Variants in TRANK1 observed in about 807,000 individuals in gnomAD.
The protein encoded by TRANK1 is TPR and ankyrin repeat-containing protein 1.
In TRANK1, 198 loss-of-function variants were observed where a neutral mutation model predicts 266.0. The observed-to-expected ratio is 0.74, with a 90% confidence interval of 0.66 to 0.84. The LOEUF (loss-of-function observed/expected upper bound fraction) is 0.84, where lower values mean the gene tolerates loss of function less well. Ranked by LOEUF, TRANK1 falls within the 40% of genes least tolerant of loss-of-function variation. The probability of loss-of-function intolerance (pLI) is 0.00; values close to 1 mark genes in which losing one functional copy is unlikely to be tolerated. For synonymous variants in TRANK1, 1,396 were observed against 1,384.1 expected (o/e 1.01, Z -0.19); for missense variants, 3,326 against 3,634.6 (o/e 0.92, Z 2.18).
chr3:36,870,962 T>TAAAAA (rs563787088), intron 9 of TRANK1, among the ~76,000 whole-genome samples: 29 of 65,030 alleles, frequency 4.5e-4, no homozygotes, highest in South Asian at 2.0e-3. Flanking sequence ...ACAAGGAAAC[T>TAAAAA]AAAAAAAAAA....
chr3:36,889,250 A>C (rs558653554), intron 8 of TRANK1, among the ~76,000 whole-genome samples: 5 of 152,278 alleles, frequency 3.3e-5, no homozygotes, highest in African/African-American at 1.2e-4. Context: ...TGAGAGTTTC[A>C]AGAAAAATGA....
chr3:36,855,517 C>G lies in TRANK1; in HGVS notation c.4205G>C (p.Arg1402Thr), dbSNP rs754964372. 5 of 1,613,924 alleles carry G rather than the reference C, an allele frequency of 3.1e-6. No individual in the cohort carries two copies. Among genetic ancestry groups the G allele is most frequent in the South Asian group, 1.1e-5 (1 of 91,076 alleles). ...TTCATCAAAATAACCTTTCTGGGACCTGATTTGCTGATACAGACTGAAGAG... is the reference window on the plus strand; with the variant it reads ...TTCATCAAAATAACCTTTCTGGGACGTGATTTGCTGATACAGACTGAAGAG... Reference protein sequence around the residue: ...YSLFSLYQQIRSQKGYFDEED... With the variant: ...YSLFSLYQQITSQKGYFDEED... The change falls in exon 13 of 24, where the codon AGG becomes ACG. Residue 1402 changes from arginine to threonine, a missense_variant. Physicochemically the swap from Arg to Thr is moderately conservative, Grantham distance 71. Transcript: ENST00000645898.
chr3:36,880,379 C>A, intron 8 of TRANK1: 1 of 375,460 alleles, frequency 2.7e-6, no homozygotes. Context: ...CTCTAGCCAG[C>A]CCTCTTGGTT....
At chr3:36,836,024 C>T (rs1483029384) in intron 20 of TRANK1, among the ~76,000 whole-genome samples, 1 of 152,152 alleles carries the variant, frequency 6.6e-6, no homozygotes, top group Non-Finnish European at 1.5e-5. Flanking sequence ...AAATGCTCAA[C>T]TTTACTGACA....
chr3:36,930,957 G>T (rs532564316), intron 1 of TRANK1, among the ~76,000 whole-genome samples: 4 of 152,076 alleles, frequency 2.6e-5, no homozygotes, highest in Non-Finnish European at 2.9e-5. Context: ...AAAAAGCACC[G>T]AGAAAAAGAA....
chr3:36,894,970 A>G (rs1278804916), intron 5 of TRANK1, among the ~76,000 whole-genome samples: 2 of 152,212 alleles, frequency 1.3e-5, no homozygotes, highest in Non-Finnish European at 2.9e-5. Flanking sequence ...GGCACTGTAA[A>G]CCTTCCACAA....
chr3:36,850,356 A>T (rs2078970146), intron 15 of TRANK1: 2 of 985,364 alleles, frequency 2.0e-6, no homozygotes, highest in Non-Finnish European at 2.4e-6. Flanking sequence ...TTCAATTCGC[A>T]TGCGAGGCTT....
chr3:36,866,546 C>A (rs2079230593), intron 9 of TRANK1, among the ~76,000 whole-genome samples: 1 of 152,132 alleles, frequency 6.6e-6, no homozygotes, highest in Admixed American at 6.5e-5. Context: ...CAGCCTGATC[C>A]CACAGGAAGG....
chr3:36,855,818 T>C lies in TRANK1; in HGVS notation c.3904A>G (p.Ser1302Gly). 1 of 1,613,726 alleles carries C rather than the reference T, an allele frequency of 6.2e-7. No individual in the cohort carries two copies. The highest frequency in any genetic ancestry group is 8.5e-7 in the Non-Finnish European group (1 of 1,179,822). Residue 1302 changes from serine (S) to glycine (G), a missense_variant, in exon 13 of 24, where the codon AGT (serine) becomes GGT (glycine). Coordinates refer to ENST00000645898, the MANE Select transcript of TRANK1 (RefSeq NM_001329998.2). ...ATTTCTACAGCTTTATCCTCCTCAC[T>C]GTAGTCCCCATCCACCTCAGCCTCC... ...EEEAEVDGDYSEEDKAVEMRT... is the reference protein window; with the variant it reads ...EEEAEVDGDYGEEDKAVEMRT...
At chr3:36,899,680 T>C (rs1207145057) in intron 3 of TRANK1, among the ~76,000 whole-genome samples, 1 of 152,204 alleles carries the variant, frequency 6.6e-6, no homozygotes, top group Non-Finnish European at 1.5e-5. Context: ...AACATGGATT[T>C]CTAACCAACA....
At chr3:36,911,155 G>A (rs771840284) in intron 1 of TRANK1, among the ~76,000 whole-genome samples, 2 of 152,046 alleles carry the variant, frequency 1.3e-5, no homozygotes, top group Admixed American at 6.6e-5. Flanking sequence ...GGTTGAAAAG[G>A]CATATTGTAA....
In TRANK1 at chr3:36,828,282, T is replaced by C. The variant is rs1559409490; in HGVS notation, c.8903A>G (p.Lys2968Arg). ...RRSRKCGKQR[K>R]Y Reference sequence around the variant, plus strand: ...GCTGCAGCTGTGTGGACATTAGTATTTTCTCTGCTTTCCACATTTCCGAGA... The same window carrying C: ...GCTGCAGCTGTGTGGACATTAGTATCTTCTCTGCTTTCCACATTTCCGAGA... Residue 2968 changes from lysine (K) to arginine (R), a missense_variant, in exon 24 of 24, where the codon AAA becomes AGA. Coordinates refer to ENST00000645898, the MANE Select transcript of TRANK1 (RefSeq NM_001329998.2). 2 of 1,610,784 alleles carry C rather than the reference T, an allele frequency of 1.2e-6. No individual in the cohort carries two copies. The highest frequency in any genetic ancestry group is 1.1e-5 in the South Asian group (1 of 89,998).
chr3:36,831,336 C>T lies in TRANK1; in HGVS notation c.8247G>A (p.Glu2749=). The T allele has an allele frequency of 6.2e-7, 1 of 1,613,648 alleles. No homozygotes were observed. The highest frequency in any genetic ancestry group is 8.5e-7 in the Non-Finnish European group (1 of 1,179,774). ...RVGTQMERVR[E]EAREPRAGNF... Reference sequence around the variant, plus strand: ...TCCCAGCCCTGGGCTCCCTGGCCTCCTCCCTGACACGCTCCATCTGGGTGC... The same window carrying T: ...TCCCAGCCCTGGGCTCCCTGGCCTCTTCCCTGACACGCTCCATCTGGGTGC... The change falls in exon 22 of 24, where the codon GAG becomes GAA. Residue 2749 remains glutamate (E), a synonymous_variant. Coordinates refer to ENST00000645898, the MANE Select transcript of TRANK1 (RefSeq NM_001329998.2). The surrounding 1 kb of genome is among the most constrained non-coding windows in gnomAD (Gnocchi z 5.0).
At chr3:36,880,738 A>T (rs55690320) in intron 8 of TRANK1, 46,550 of 149,626 alleles carry the variant, frequency 0.31, 7,552 homozygotes, top group Non-Finnish European at 0.37. Context: ...ATTTTCTTTT[A>T]TTATTATTAT....
chr3:36,860,916 T>G lies in TRANK1; in HGVS notation c.1485A>C (p.Ile495=). Residue 495 remains isoleucine (I), a synonymous_variant, in exon 11 of 24, where the codon ATA becomes ATC. Coordinates refer to ENST00000645898, the MANE Select transcript of TRANK1 (RefSeq NM_001329998.2). The part of the protein sequence containing the change: ...QRKKQLLGCL[I]DSGALPDGLQ... ...TCCAGTCACTCTCACCTCCACTGTC[T>G]ATCAGGCAGCCCAGAAGCTGTTTCT... is the stretch of plus-strand genomic sequence containing the variant. 6.5e-7 allele frequency: 1 copy of G among 1,537,390 alleles called. No individual in the cohort carries two copies. The highest frequency in any genetic ancestry group is 1.2e-5 in the South Asian group (1 of 84,054).
At chr3:36,938,403 G>C (rs2080453379) in intron 1 of TRANK1, among the ~76,000 whole-genome samples, 1 of 151,866 alleles carries the variant, frequency 6.6e-6, no homozygotes, top group Non-Finnish European at 1.5e-5. Flanking sequence ...ATTTTTAGTA[G>C]AGACAGGGTT....
At chr3:36,934,868 G>A (rs1172736408) in intron 1 of TRANK1, among the ~76,000 whole-genome samples, 3 of 152,136 alleles carry the variant, frequency 2.0e-5, no homozygotes, top group Admixed American at 2.0e-4. Context: ...GCAGGCCCCA[G>A]AATAGCTATC....
intron 2 of TRANK1, 21 bp downstream of exon 2, chr3:36,908,302 G>T: frequency 8.1e-7 from 1 of 1,232,150 alleles, no homozygotes; most frequent in Non-Finnish European, 1.0e-6. Flanking sequence ...GAAAAGATGA[G>T]GTGAAAATGC....
chr3:36,874,787 T>G (rs1334302991), intron 8 of TRANK1, among the ~76,000 whole-genome samples: 1 of 152,148 alleles, frequency 6.6e-6, no homozygotes, highest in Non-Finnish European at 1.5e-5. Flanking sequence ...GGATGCCAAC[T>G]CCATTTGCTG....
Sources: gnomAD v4.1 joint callset for allele counts (sites outside exome capture counted in the v4.1 genomes callset) on GRCh38, gnomAD v4.1.1 for gene constraint, Gnocchi (gnomAD v3.1) non-coding constraint, MANE v1.5 for transcripts, NCBI Gene and HGNC (gene_info 2026-07-23, HGNC 2026-07-21) for gene names.